Variants in CACNA2D3 observed in about 807,000 individuals in gnomAD.
The protein encoded by CACNA2D3 is calcium voltage-gated channel auxiliary subunit alpha2delta 3, also known as voltage-dependent calcium channel subunit alpha-2/delta-3.
Under a neutral mutation model 160.6 loss-of-function variants are expected in CACNA2D3, and 60 were observed. That is an observed-to-expected ratio of 0.37 (90% CI 0.30 to 0.46). CACNA2D3 has a LOEUF of 0.46. CACNA2D3 is among the 20% of genes least tolerant of loss of function. The pLI is 1.00. For synonymous variants in CACNA2D3, 558 were observed against 492.9 expected, an observed-to-expected ratio of 1.13 and a Z score of -1.75; for missense variants, 1,205 against 1,365.0, an observed-to-expected ratio of 0.88 and a Z score of 1.85.
intron 11 of CACNA2D3, among the ~76,000 whole-genome samples, chr3:54,741,511 G>A (rs1435072531): frequency 6.6e-6 from 1 of 152,096 alleles, no homozygotes; most frequent in Non-Finnish European, 1.5e-5. Context: ...GGGAGGCTGA[G>A]GTGGGTGGAT....
At chr3:54,584,774 G>A (rs951145384) in intron 9 of CACNA2D3, among the ~76,000 whole-genome samples, 1 of 152,158 alleles carries the variant, frequency 6.6e-6, no homozygotes, top group African/African-American at 2.4e-5. Flanking sequence ...GAAACAGCCA[G>A]AGAGAAAGGA....
At chr3:55,035,839 G>C (rs1259381339) in intron 35 of CACNA2D3, among the ~76,000 whole-genome samples, 3 of 152,190 alleles carry the variant, frequency 2.0e-5, no homozygotes, top group Non-Finnish European at 4.4e-5. Flanking sequence ...TTCCGGCTAT[G>C]GTTCTATATG....
intron 11 of CACNA2D3, among the ~76,000 whole-genome samples, chr3:54,656,086 TGGA>T (rs1467947305): frequency 6.6e-6 from 1 of 152,078 alleles, no homozygotes; most frequent in Non-Finnish European, 1.5e-5. Context: ...ACATTAGCAA[TGGA>T]GAAGATTATG....
intron 35 of CACNA2D3, among the ~76,000 whole-genome samples, chr3:55,054,726 A>G (rs1233357461): frequency 6.6e-6 from 1 of 151,992 alleles, no homozygotes; most frequent in African/African-American, 2.4e-5. Flanking sequence ...TGACACAATT[A>G]CTGTACAAGT....
intron 4 of CACNA2D3, among the ~76,000 whole-genome samples, chr3:54,475,662 C>G (rs960239649): frequency 6.6e-6 from 1 of 152,102 alleles, no homozygotes; most frequent in African/African-American, 2.4e-5. Context: ...AACTGCTTGC[C>G]AAGTTATGCG....
At chr3:54,406,117 A>G (rs1238260767) in intron 4 of CACNA2D3, among the ~76,000 whole-genome samples, 3 of 152,164 alleles carry the variant, frequency 2.0e-5, no homozygotes, top group Non-Finnish European at 2.9e-5. Context: ...TGGTGTAGCC[A>G]TTATGAAAAA....
chr3:54,722,647 C>T (rs997083986), intron 11 of CACNA2D3, among the ~76,000 whole-genome samples: 2 of 152,166 alleles, frequency 1.3e-5, no homozygotes, highest in Non-Finnish European at 2.9e-5. Context: ...GACAGTCAGG[C>T]CGCTCAGCTG....
At chr3:54,865,593 G>T (rs969761038) in intron 17 of CACNA2D3, among the ~76,000 whole-genome samples, 1 of 152,202 alleles carries the variant, frequency 6.6e-6, no homozygotes. Context: ...TCTGGCCTTC[G>T]CCTTGACCTT....
Position 54,809,311 on chromosome 3 carries a change from C to CTTTTTTTTT in CACNA2D3, c.1381-7532_1381-7524dup, listed in dbSNP as rs1217898723. Among the ~76,000 whole-genome samples the CTTTTTTTTT allele has an allele frequency of 5.0e-3, 400 of 80,704 alleles. 34 individuals are homozygous for CTTTTTTTTT. Among genetic ancestry groups the CTTTTTTTTT allele is most frequent in the Admixed American group, 0.022 (152 of 7,034 alleles). 52.9% of individuals were successfully genotyped at this position (80,704 alleles called of 152,430 possible). On this transcript the variant is annotated intron_variant, in intron 13 of 37. Coordinates refer to ENST00000474759, the MANE Select transcript of CACNA2D3 (RefSeq NM_018398.3). Reference sequence around the variant, plus strand: ...TCTTTCTTTCCTTCCTTCCTTCTTTCTTTTTTTTTTTTTTTTTTGAGACGG... The same window carrying CTTTTTTTTT: ...TCTTTCTTTCCTTCCTTCCTTCTTTCTTTTTTTTTTTTTTTTTTTTTTTTTTTGAGACGG...
At chr3:54,811,480 T>A (rs75069974) in intron 13 of CACNA2D3, among the ~76,000 whole-genome samples, 19 of 15,456 alleles carry the variant, frequency 1.2e-3, no homozygotes, top group East Asian at 8.9e-3. Flanking sequence ...TTTTTTTTTT[T>A]TTTTTTTTTT....
chr3:54,299,660 T>A (rs1703429034), intron 2 of CACNA2D3, among the ~76,000 whole-genome samples: 1 of 152,210 alleles, frequency 6.6e-6, no homozygotes, highest in Non-Finnish European at 1.5e-5. Context: ...GGCTCCTTTA[T>A]TAACTAGAAT....
intron 2 of CACNA2D3, among the ~76,000 whole-genome samples, chr3:54,191,136 C>T (rs918307791): frequency 2.0e-5 from 3 of 151,610 alleles, no homozygotes; most frequent in African/African-American, 4.8e-5. Context: ...TTGAAGAACT[C>T]GTATGAGGCC....
intron 25 of CACNA2D3, among the ~76,000 whole-genome samples, chr3:54,893,282 ACT>A (rs1313674143): frequency 6.8e-6 from 1 of 147,782 alleles, no homozygotes; most frequent in Non-Finnish European, 1.5e-5. Context: ...TCTCAAAAAA[ACT>A]CTTTTTTTTT....
intron 5 of CACNA2D3, among the ~76,000 whole-genome samples, chr3:54,544,515 C>T (rs970107550): frequency 2.6e-5 from 4 of 152,044 alleles, no homozygotes; most frequent in Admixed American, 6.6e-5. Context: ...GGGATCCTCC[C>T]GCTTTAACCT....
chr3:54,663,226 A>G (rs1295871077), intron 11 of CACNA2D3, among the ~76,000 whole-genome samples: 1 of 152,196 alleles, frequency 6.6e-6, no homozygotes, highest in Non-Finnish European at 1.5e-5. Flanking sequence ...TAGAATTTAT[A>G]GCCAGAACTG....
At chr3:54,730,085 T>G (rs752307556) in intron 11 of CACNA2D3, among the ~76,000 whole-genome samples, 1 of 152,130 alleles carries the variant, frequency 6.6e-6, no homozygotes, top group Non-Finnish European at 1.5e-5. Context: ...AAATATGTAT[T>G]GGAAGTTTAG....
rs556129207 is a variant in CACNA2D3 at position 54,461,105 on chromosome 3, C to T, written c.382-42387C>T. 2.0e-5 allele frequency among the ~76,000 whole-genome samples: 3 copies of T among 152,220 alleles called. No homozygotes were observed. The East Asian group carries it at 5.8e-4, about 29-fold the overall frequency. ...ATTGATTTGCGTATATTGAACCAGC[C>T]TTGCATCCCAGGGATGAAGCCCACT... On this transcript the variant is annotated intron_variant, in intron 4 of 37. Transcript: ENST00000474759.
chr3:54,145,680 G>A (rs548802097), intron 2 of CACNA2D3, among the ~76,000 whole-genome samples: 74 of 152,338 alleles, frequency 4.9e-4, no homozygotes, highest in African/African-American at 1.6e-3. Flanking sequence ...TCAGCACCCA[G>A]TGCAGGGCGC....
At chr3:54,152,387 G>A (rs1326858727) in intron 2 of CACNA2D3, among the ~76,000 whole-genome samples, 2 of 151,510 alleles carry the variant, frequency 1.3e-5, no homozygotes, top group African/African-American at 4.8e-5. Context: ...TTAAAATGAT[G>A]CTCACTTAAA....
Sources: allele counts gnomAD v4.1 joint callset (sites outside exome capture counted in the v4.1 genomes callset), GRCh38; gene constraint gnomAD v4.1.1; transcripts MANE v1.5; gene names NCBI Gene and HGNC (gene_info 2026-07-23, HGNC 2026-07-21).